The following SLC44A1 variants were observed in gnomAD, a reference collection of about 807,000 sequenced individuals.
SLC44A1 encodes the protein choline transporter-like protein 1.
SLC44A1 carries 26 observed loss-of-function variants against 79.3 expected under a neutral mutation model. That is an observed-to-expected ratio of 0.33 (90% confidence interval 0.24 to 0.46). The LOEUF (loss-of-function observed/expected upper bound fraction) is 0.46, where lower values mean the gene tolerates loss of function less well. Ranked by LOEUF, SLC44A1 falls within the 20% of genes least tolerant of loss-of-function variation. The pLI, the probability that SLC44A1 is intolerant of heterozygous loss-of-function variation, is 1.00. For synonymous variants in SLC44A1, 263 were observed against 286.2 expected (o/e 0.92, Z 0.82); for missense variants, 688 against 798.1 (o/e 0.86, Z 1.66).
intron 15 of SLC44A1, among the ~76,000 whole-genome samples, chr9:105,413,430 C>G (rs79089616): frequency 1.3e-5 from 2 of 152,172 alleles, no homozygotes; most frequent in African/African-American, 4.8e-5. Flanking sequence ...CCTGGTTTTC[C>G]CCTTCTCTGG....
intron 5 of SLC44A1, among the ~76,000 whole-genome samples, chr9:105,351,578 A>AGAG (rs1827419519): frequency 8.3e-6 from 1 of 119,964 alleles, no homozygotes; most frequent in African/African-American, 4.1e-5. Flanking sequence ...GAAAGAGAGA[A>AGAG]AGAGAGAAAG....
At chr9:105,302,277 T>C (rs1182613600) in intron 2 of SLC44A1, among the ~76,000 whole-genome samples, 1 of 152,168 alleles carries the variant, frequency 6.6e-6, no homozygotes. Flanking sequence ...TATAAATTTG[T>C]ATATTTCATT....
At chr9:105,286,041 C>T (rs1033498450) in intron 1 of SLC44A1, among the ~76,000 whole-genome samples, 16 of 152,256 alleles carry the variant, frequency 1.1e-4, no homozygotes, top group African/African-American at 3.6e-4. Context: ...GTGGAGGTTG[C>T]GGTGAGCCGA....
At chr9:105,368,909 G>A (rs1163853033) in intron 12 of SLC44A1, among the ~76,000 whole-genome samples, 5 of 151,962 alleles carry the variant, frequency 3.3e-5, no homozygotes, top group Admixed American at 6.6e-5. Context: ...GTGCTGGCTC[G>A]TGCCTGTAGT....
intron 1 of SLC44A1, among the ~76,000 whole-genome samples, chr9:105,274,251 A>C (rs143293743): frequency 2.6e-5 from 4 of 152,186 alleles, no homozygotes. Flanking sequence ...ATTTTGCAAT[A>C]TATCTTTTCT....
rs1318208009 is a variant in SLC44A1 at position 105,356,241 on chromosome 9, C to T, written c.530C>T (p.Ala177Val). 1.2e-6 allele frequency: 2 copies of T among 1,613,332 alleles called. No homozygotes were observed. Among genetic ancestry groups the T allele is most frequent in the African/African-American group, 1.3e-5 (1 of 74,812 alleles). The part of the protein sequence containing the change: ...SAPIPFFHRC[A>V]PVNISCYAKF... The stretch of plus-strand genomic sequence containing the variant: ...CCTATTCCATTCTTCCATCGCTGTG[C>T]TCCTGTGAACATTTCCTGCTATGCC... Residue 177 changes from alanine (A) to valine (V), a missense_variant, in exon 6 of 16, where the codon GCT (alanine) becomes GTT (valine). Ala to Val is a moderately conservative substitution (Grantham distance 64). Transcript: ENST00000374720.
In SLC44A1 at chr9:105,255,205, A is replaced by G. The variant is rs374830226; in HGVS notation, c.36+10301A>G. ...TATATAAAATGCATCCTTGCAATAC[A>G]TAATTTACAGAAGGAAATAAACCAG... On this transcript the variant is annotated intron_variant, in intron 1 of 15. Coordinates refer to ENST00000374720, the MANE Select transcript of SLC44A1 (RefSeq NM_080546.5). 3.0e-4 allele frequency among the ~76,000 whole-genome samples: 46 copies of G among 152,110 alleles called. 1 individual carries two copies. Among genetic ancestry groups the G allele is most frequent in the Admixed American group, 1.8e-3 (28 of 15,284 alleles).
chr9:105,437,909 C>T (rs1564063493), intron 15 of SLC44A1, among the ~76,000 whole-genome samples: 1 of 152,146 alleles, frequency 6.6e-6, no homozygotes, highest in African/African-American at 2.4e-5. Context: ...ATACTAATGC[C>T]AACAGTGGCA....
chr9:105,282,933 C>G (rs1012546542), intron 1 of SLC44A1, among the ~76,000 whole-genome samples: 1 of 152,150 alleles, frequency 6.6e-6, no homozygotes, highest in African/African-American at 2.4e-5. Flanking sequence ...ACAGCAGTCA[C>G]TTGGAGATAA....
intron 1 of SLC44A1, among the ~76,000 whole-genome samples, chr9:105,282,120 C>A (rs1310127753): frequency 6.6e-6 from 1 of 152,092 alleles, no homozygotes; most frequent in Non-Finnish European, 1.5e-5. Context: ...GAGCTTGGGA[C>A]CTGGCTTTAC....
intron 1 of SLC44A1, among the ~76,000 whole-genome samples, chr9:105,280,775 G>A (rs1564412248): frequency 6.6e-6 from 1 of 151,984 alleles, no homozygotes; most frequent in African/African-American, 2.4e-5. Flanking sequence ...TCCAAGTGAA[G>A]AAAAAAAATC....
intron 15 of SLC44A1, among the ~76,000 whole-genome samples, chr9:105,430,495 T>C (rs527556412): frequency 3.4e-4 from 52 of 152,326 alleles, no homozygotes; most frequent in African/African-American, 1.2e-3. Flanking sequence ...GATTTGCCTA[T>C]TTTGGATTCA....
At chr9:105,254,702 CT>C (rs1234100497) in intron 1 of SLC44A1, among the ~76,000 whole-genome samples, 3 of 152,204 alleles carry the variant, frequency 2.0e-5, no homozygotes, top group African/African-American at 7.2e-5. Flanking sequence ...AAACCCCTGT[CT>C]TTCTTTTTTG....
intron 15 of SLC44A1, among the ~76,000 whole-genome samples, chr9:105,415,292 G>A (rs1829152701): frequency 6.6e-6 from 1 of 152,154 alleles, no homozygotes; most frequent in Non-Finnish European, 1.5e-5. Flanking sequence ...GTGCAAGGAA[G>A]GTAAAAAAGG....
At chr9:105,271,247 A>G (rs1043718370) in intron 1 of SLC44A1, among the ~76,000 whole-genome samples, 1 of 152,210 alleles carries the variant, frequency 6.6e-6, no homozygotes, top group South Asian at 2.1e-4. Context: ...AGGCTTGTTA[A>G]TTTTCTGTAT....
At chr9:105,246,406 G>C (rs556337853) in intron 1 of SLC44A1, among the ~76,000 whole-genome samples, 1 of 138,972 alleles carries the variant, frequency 7.2e-6, no homozygotes, top group African/African-American at 2.7e-5. Flanking sequence ...TTGCTTACCC[G>C]TTAGCTTTTT....
chr9:105,275,217 T>C (rs1830171469), intron 1 of SLC44A1, among the ~76,000 whole-genome samples: 1 of 152,194 alleles, frequency 6.6e-6, no homozygotes. Flanking sequence ...CCTATCTCAA[T>C]TTGTTGTAAT....
chr9:105,273,393 C>T (rs540889008), intron 1 of SLC44A1, among the ~76,000 whole-genome samples: 1 of 152,146 alleles, frequency 6.6e-6, no homozygotes, highest in Non-Finnish European at 1.5e-5. Flanking sequence ...GGATGTTATT[C>T]CTTATTGTCA....
At chr9:105,315,513 C>T (rs899223218) in intron 3 of SLC44A1, among the ~76,000 whole-genome samples, 5 of 152,122 alleles carry the variant, frequency 3.3e-5, no homozygotes, top group East Asian at 1.9e-4. Context: ...CAGTCTACCC[C>T]GTGATCACAT....
Sources: gnomAD v4.1 joint callset for allele counts (sites outside exome capture counted in the v4.1 genomes callset) on GRCh38, gnomAD v4.1.1 for gene constraint, MANE v1.5 for transcripts, NCBI Gene and HGNC (gene_info 2026-07-23, HGNC 2026-07-21) for gene names.